The following PDZD2 variants were observed in gnomAD, a reference collection of about 807,000 sequenced individuals.
PDZD2 encodes PDZ domain-containing protein 2.
PDZD2 carries 90 observed loss-of-function variants against 220.7 expected under a neutral mutation model. The observed-to-expected ratio is 0.41, with a 90% CI of 0.34 to 0.49. The LOEUF (loss-of-function observed/expected upper bound fraction) is 0.49. Among genes scored for constraint, PDZD2 ranks in the 20% least tolerant of loss-of-function variants. The pLI, the probability that PDZD2 is intolerant of heterozygous loss-of-function variation, is 0.28. For missense variants in PDZD2, 3,174 were observed against 3,608.5 expected (o/e 0.88, Z 3.08); for synonymous variants, 1,375 against 1,450.5 (o/e 0.95, Z 1.18).
intron 14 of PDZD2, among the ~76,000 whole-genome samples, chr5:32,062,418 G>A (rs570075433): frequency 6.9e-6 from 1 of 145,298 alleles, no homozygotes; most frequent in South Asian, 2.1e-4. Context: ...TTTTGAGACA[G>A]GGTCTCCCTC....
intron 2 of PDZD2, among the ~76,000 whole-genome samples, chr5:31,887,211 G>A (rs1257659062): frequency 6.6e-6 from 1 of 152,176 alleles, no homozygotes; most frequent in Non-Finnish European, 1.5e-5. Flanking sequence ...ACACTTGGTA[G>A]GCTCTAGGGG....
chr5:31,977,838 G>A (rs1269267635), intron 2 of PDZD2, among the ~76,000 whole-genome samples: 4 of 152,178 alleles, frequency 2.6e-5, no homozygotes, highest in Admixed American at 2.6e-4. Flanking sequence ...GGCAGGCATG[G>A]TAGCGTGCAC....
intron 21 of PDZD2, 43 bp downstream of exon 21, chr5:32,093,067 C>T (rs540008470): frequency 2.0e-5 from 20 of 1,021,096 alleles, no homozygotes; most frequent in Middle Eastern, 2.1e-4. Flanking sequence ...ATTGCGGCCG[C>T]GTGAGTGCCC....
chr5:31,754,727 T>C (rs1283653396), intron 1 of PDZD2: 3 of 152,164 alleles, frequency 2.0e-5, no homozygotes, highest in Admixed American at 6.5e-5. Context: ...TCTGGAAAGA[T>C]CTGTGTATAC....
chr5:32,035,620 G>A (rs1209076519), intron 6 of PDZD2, among the ~76,000 whole-genome samples: 1 of 152,040 alleles, frequency 6.6e-6, no homozygotes, highest in Non-Finnish European at 1.5e-5. Flanking sequence ...ACAGGCACCC[G>A]CCACTGTACC....
At chr5:31,883,022 T>TTA (rs1561539109) in intron 2 of PDZD2, among the ~76,000 whole-genome samples, 1 of 18,010 alleles carries the variant, frequency 5.6e-5, no homozygotes, top group Non-Finnish European at 9.1e-5. Flanking sequence ...AGACTCTGTC[T>TTA]CAAAAAAAAA....
At chr5:31,876,258 TA>T (rs1739288882) in intron 2 of PDZD2, among the ~76,000 whole-genome samples, 1 of 151,888 alleles carries the variant, frequency 6.6e-6, no homozygotes, top group Non-Finnish European at 1.5e-5. Context: ...ATTGCTAGTG[TA>T]AAGGAATGCG....
At chr5:31,821,416 C>T (rs753187393) in intron 2 of PDZD2, among the ~76,000 whole-genome samples, 38 of 150,466 alleles carry the variant, frequency 2.5e-4, no homozygotes, top group Admixed American at 4.6e-4. Context: ...GAGTCTCACT[C>T]TGTCGCAAGG....
chr5:32,071,545 A>G (rs1442013796), intron 16 of PDZD2, 127 bp downstream of exon 16: 2 of 735,854 alleles, frequency 2.7e-6, no homozygotes, highest in African/African-American at 3.5e-5. Flanking sequence ...CACTTTATAC[A>G]GGAAATCGCA....
At chr5:31,815,742 T>C (rs540569556) in intron 2 of PDZD2, among the ~76,000 whole-genome samples, 1 of 152,374 alleles carries the variant, frequency 6.6e-6, no homozygotes, top group Non-Finnish European at 1.5e-5. Flanking sequence ...CTTAGAATTT[T>C]ATTTTCGGTT....
At chr5:32,062,939 C>T (rs1739826402) in intron 14 of PDZD2, among the ~76,000 whole-genome samples, 1 of 151,934 alleles carries the variant, frequency 6.6e-6, no homozygotes, top group African/African-American at 2.4e-5. Context: ...CCACATGGGG[C>T]CTTGAGCCAA....
intron 24 of PDZD2, among the ~76,000 whole-genome samples, chr5:32,107,009 G>A (rs1460220188): frequency 6.6e-6 from 1 of 152,092 alleles, no homozygotes; most frequent in East Asian, 1.9e-4. Flanking sequence ...TTTCAATAAC[G>A]ACTTTCAGTA....
chr5:31,715,000 A>G (rs577230260), intron 1 of PDZD2, among the ~76,000 whole-genome samples: 30 of 151,082 alleles, frequency 2.0e-4, no homozygotes, highest in African/African-American at 7.3e-4. Context: ...CGGAGCTTAC[A>G]GTGAGCCGAG....
At chr5:31,788,137 A>G (rs1580756276) in intron 1 of PDZD2, among the ~76,000 whole-genome samples, 2 of 152,294 alleles carry the variant, frequency 1.3e-5, no homozygotes, top group East Asian at 3.9e-4. Flanking sequence ...TTGGGAGGCC[A>G]AGGCGGGTGG....
At chr5:32,059,474 A>G in intron 13 of PDZD2, 118 bp downstream of exon 13, 1 of 501,634 alleles carries the variant, frequency 2.0e-6, no homozygotes, top group Non-Finnish European at 3.6e-6. Context: ...AATTCTTTCC[A>G]AGAACGTAGC....
intron 2 of PDZD2, among the ~76,000 whole-genome samples, chr5:31,971,111 G>A (rs913121155): frequency 2.0e-5 from 3 of 152,206 alleles, no homozygotes; most frequent in African/African-American, 7.2e-5. Flanking sequence ...GACACCACCT[G>A]TCTCAGTCCA....
At chr5:31,790,641 A>G (rs1753649649) in intron 1 of PDZD2, among the ~76,000 whole-genome samples, 1 of 144,450 alleles carries the variant, frequency 6.9e-6, no homozygotes, top group Admixed American at 7.1e-5. Flanking sequence ...TCAATTCCTT[A>G]TGATTTGAAT....
At chr5:32,053,740 A>C in intron 9 of PDZD2, 29 bp from the exon 10 acceptor site, 1 of 1,232,516 alleles carries the variant, frequency 8.1e-7, no homozygotes. Context: ...CACACTGTCA[A>C]CCTGGACTCT....
chr5:31,911,697 G>C (rs1743219922), intron 2 of PDZD2, among the ~76,000 whole-genome samples: 1 of 152,208 alleles, frequency 6.6e-6, no homozygotes, highest in South Asian at 2.1e-4. Context: ...GCTTGGATGT[G>C]ATGGAGCCAG....
Sources: allele counts gnomAD v4.1 joint callset (sites outside exome capture counted in the v4.1 genomes callset), GRCh38; gene constraint gnomAD v4.1.1; transcripts MANE v1.5; gene names NCBI Gene and HGNC (gene_info 2026-07-23, HGNC 2026-07-21).